TNFRSF1B: variants seen among roughly 807,000 people sequenced by gnomAD.
TNFRSF1B encodes tumor necrosis factor receptor superfamily member 1B.
In TNFRSF1B, 19 loss-of-function variants were observed where a neutral mutation model predicts 44.6. The observed-to-expected ratio is 0.43, with a 90% CI of 0.30 to 0.62. TNFRSF1B has a LOEUF of 0.62. Among genes scored for constraint, TNFRSF1B ranks in the 20% least tolerant of loss-of-function variants. The pLI is 0.16. For missense variants in TNFRSF1B, 541 were observed against 619.9 expected, an observed-to-expected ratio of 0.87 and a Z score of 1.35; for synonymous variants, 252 against 261.1, an observed-to-expected ratio of 0.97 and a Z score of 0.34.
intron 1 of TNFRSF1B, among the ~76,000 whole-genome samples, chr1:12,176,379 A>G (rs1003739841): frequency 6.6e-6 from 1 of 152,216 alleles, no homozygotes; most frequent in South Asian, 2.1e-4. Flanking sequence ...TACCAATTAC[A>G]TTGAGAAAAC....
At chr1:12,204,364 C>G (rs374409470) in intron 9 of TNFRSF1B, among the ~76,000 whole-genome samples, 1 of 152,142 alleles carries the variant, frequency 6.6e-6, no homozygotes, top group Non-Finnish European at 1.5e-5. Flanking sequence ...AATTTCCTTC[C>G]GGCCTTGTGA....
At chr1:12,183,446 T>TTCTC (rs33995912) in intron 1 of TNFRSF1B, among the ~76,000 whole-genome samples, 213 of 147,348 alleles carry the variant, frequency 1.4e-3, no homozygotes, top group African/African-American at 4.7e-3. Context: ...CTTTTATCTA[T>TTCTC]TCTCTCTCTC....
At chr1:12,197,333 A>G (rs235251) in intron 8 of TNFRSF1B, among the ~76,000 whole-genome samples, 4,319 of 152,244 alleles carry the variant, frequency 0.028, 201 homozygotes, top group African/African-American at 0.098. Context: ...TGTCTAGTGC[A>G]GAAAAAAACC....
rs376176302 is a variant in TNFRSF1B at position 12,183,720 on chromosome 1, C to CCTATCTAT, written c.79-5052_79-5045dup. On this transcript the variant is annotated intron_variant, in intron 1 of 9. Transcript: ENST00000376259. Reference sequence around the variant, plus strand: ...TCTATCTATCTATCTATTCTATCTACCTATCTATCTATCTATCTATCTATC... The same window carrying CCTATCTAT: ...TCTATCTATCTATCTATTCTATCTACCTATCTATCTATCTATCTATCTATCTATCTATC... Among the ~76,000 whole-genome samples, 723 of 92,118 alleles carry CCTATCTAT rather than the reference C, an allele frequency of 7.8e-3. 17 individuals carry two copies. Among genetic ancestry groups the CCTATCTAT allele is most frequent in the Middle Eastern group, 0.016 (2 of 124 alleles). 60.4% of individuals were successfully genotyped at this position (92,118 alleles called of 152,430 possible).
chr1:12,204,750 C>G (rs1450455939), intron 9 of TNFRSF1B, among the ~76,000 whole-genome samples: 1 of 152,050 alleles, frequency 6.6e-6, no homozygotes, highest in Non-Finnish European at 1.5e-5. Flanking sequence ...AATGTAAACG[C>G]CTGAATTTTA....
At chr1:12,183,750 TAGCTAGCTAG>T in intron 1 of TNFRSF1B, among the ~76,000 whole-genome samples, 1 of 107,104 alleles carries the variant, frequency 9.3e-6, no homozygotes, top group South Asian at 3.3e-4. Flanking sequence ...TCTATCTATC[TAGCTAGCTAG>T]CTAGCTAGCT....
chr1:12,188,716 C>T (rs1639041236), intron 1 of TNFRSF1B, 80 bp from the exon 2 acceptor site: 2 of 1,329,514 alleles, frequency 1.5e-6, no homozygotes, highest in African/African-American at 1.4e-5. Context: ...CAAACATTTG[C>T]AGGGCGGGGA....
chr1:12,183,703 T>TTCTATCTAC (rs1557628925), intron 1 of TNFRSF1B, among the ~76,000 whole-genome samples: 10 of 117,096 alleles, frequency 8.5e-5, no homozygotes, highest in African/African-American at 3.0e-4. Flanking sequence ...TATCTATCTA[T>TTCTATCTAC]CTATCTATTC....
intron 1 of TNFRSF1B, among the ~76,000 whole-genome samples, chr1:12,172,745 A>T (rs1638549293): frequency 6.6e-6 from 1 of 152,166 alleles, no homozygotes; most frequent in Admixed American, 6.5e-5. Context: ...TGGTCTTAGG[A>T]CACTGTATTG....
At position 12,192,044 on chromosome 1, in the gene TNFRSF1B, C is replaced by T. The variant is rs1019848979; in HGVS notation, c.457+121C>T. The T allele has an allele frequency of 1.4e-5, 19 of 1,326,124 alleles. No individual in the cohort carries two copies. The African/African-American group carries it at 1.5e-4, about 10-fold the overall frequency. The allele number at this position is 1,326,124 out of a possible 1,614,324, so 82.1% of individuals were successfully genotyped here. A position where few individuals can be genotyped will look rare whatever the true frequency, so the allele number is the denominator to read the frequency against. On this transcript the variant is annotated intron_variant, in intron 4 of 9. Transcript: ENST00000376259. ...AGCAGGGAGCACTGTTAGTGGTGGC[C>T]AGGTGCCTGCTACCCATCCGTCTGT... is the stretch of plus-strand genomic sequence containing the variant.
At chr1:12,181,573 G>A (rs1035138775) in intron 1 of TNFRSF1B, among the ~76,000 whole-genome samples, 27 of 152,228 alleles carry the variant, frequency 1.8e-4, no homozygotes, top group Middle Eastern at 6.8e-3. Context: ...AGCATGCCAC[G>A]CACCTCTCCA....
chr1:12,169,540 C>T lies in TNFRSF1B; in HGVS notation c.78+2371C>T, dbSNP rs145073688. Among the ~76,000 whole-genome samples the T allele has an allele frequency of 7.2e-5, 11 of 152,278 alleles. No homozygotes were observed. In the East Asian group the frequency reaches 1.4e-3, roughly 19 times the overall value. On this transcript the variant is annotated intron_variant, in intron 1 of 9. Coordinates refer to ENST00000376259, the MANE Select transcript of TNFRSF1B (RefSeq NM_001066.3). This position sits in a 1 kb window ranked among gnomAD's most constrained non-coding sequence, Gnocchi z 4.5. ...CCTTTCACTGCACCCTCCCCGTGCC[C>T]GTATCTGCACTCATGCTCCCAGCCA...
rs566360968 is a variant in TNFRSF1B, at chr1:12,190,999, T to A, written c.221T>A (p.Val74Glu). ...TTCTGTACCAAGACCTCGGACACCG[T>A]GTGTGACTCCTGTGAGGACAGCACA... is the stretch of plus-strand genomic sequence containing the variant. Reference protein sequence around the residue: ...KVFCTKTSDTVCDSCEDSTYT... With the variant: ...KVFCTKTSDTECDSCEDSTYT... Residue 74 changes from valine (V) to glutamate (E), a missense_variant, in exon 3 of 10, where the codon GTG (valine) becomes GAG (glutamate). Physicochemically the swap from Val to Glu is moderately radical, Grantham distance 121 (BLOSUM62 -2). Coordinates refer to ENST00000376259, the MANE Select transcript of TNFRSF1B (RefSeq NM_001066.3). 6.2e-7 allele frequency: 1 copy of A among 1,614,148 alleles called. No individual in the cohort carries two copies. Among genetic ancestry groups the A allele is most frequent in the East Asian group, 2.2e-5 (1 of 44,878 alleles).
In TNFRSF1B at chr1:12,191,465, A is replaced by AGGGAGGAGCGGGACTGTG. The variant is rs966235551; in HGVS notation, c.308-293_308-276dup. ...GCACTGCGGGGAGGAGCAGGACTGC[A>AGGGAGGAGCGGGACTGTG]GGGAGGAGCGGGACTGTGGGGAGGA... On this transcript the variant is annotated intron_variant, in intron 3 of 9. Coordinates refer to ENST00000376259, the MANE Select transcript of TNFRSF1B (RefSeq NM_001066.3). 3.5e-5 allele frequency among the ~76,000 whole-genome samples: 5 copies of AGGGAGGAGCGGGACTGTG among 142,384 alleles called. No individual in the cohort carries two copies. The East Asian group carries it at 6.3e-4, about 18-fold the overall frequency. The allele number at this position is 142,384 out of a possible 152,430, so 93.4% of individuals were successfully genotyped here.
rs1294542109 is a variant in TNFRSF1B at position 12,171,163 on chromosome 1, C to T, written c.78+3994C>T. On this transcript the variant is annotated intron_variant, in intron 1 of 9. Transcript: ENST00000376259. This position sits in a 1 kb window ranked among gnomAD's most constrained non-coding sequence, Gnocchi z 4.5. ...GATTACAGGTGTGTGCCACCATGCC[C>T]GGCTAATTTTTCCTTTTTTTTTTTT... Among the ~76,000 whole-genome samples, 28 of 151,226 alleles carry T rather than the reference C, an allele frequency of 1.9e-4. No homozygotes were observed. The East Asian group carries it at 2.9e-3, about 16-fold the overall frequency.
At position 12,183,720 on chromosome 1, in the gene TNFRSF1B, C is replaced by CTACCTATCTAT. The variant is rs1638889745; in HGVS notation, c.79-5076_79-5075insTACCTATCTAT. On this transcript the variant is annotated intron_variant, in intron 1 of 9. Coordinates refer to ENST00000376259, the MANE Select transcript of TNFRSF1B (RefSeq NM_001066.3). ...TCTATCTATCTATCTATTCTATCTA[C>CTACCTATCTAT]CTATCTATCTATCTATCTATCTATC... 6.4e-4 allele frequency among the ~76,000 whole-genome samples: 59 copies of CTACCTATCTAT among 92,190 alleles called. 1 individual carries two copies. Among genetic ancestry groups the CTACCTATCTAT allele is most frequent in the Middle Eastern group, 8.1e-3 (1 of 124 alleles). 60.5% of individuals were successfully genotyped at this position (92,190 alleles called of 152,430 possible).
chr1:12,181,684 G>A (rs1368224705), intron 1 of TNFRSF1B, among the ~76,000 whole-genome samples: 2 of 152,182 alleles, frequency 1.3e-5, no homozygotes, highest in Non-Finnish European at 2.9e-5. Flanking sequence ...CCTCTCAGAA[G>A]TCGCCTGCTC....
At chr1:12,200,028 C>T (rs1639352507) in intron 8 of TNFRSF1B, among the ~76,000 whole-genome samples, 1 of 152,094 alleles carries the variant, frequency 6.6e-6, no homozygotes, top group East Asian at 1.9e-4. Flanking sequence ...GAAATGGGGA[C>T]CTTGCCTTGA....
In TNFRSF1B at chr1:12,178,969, A is replaced by G. The variant is rs528853816; in HGVS notation, c.79-9827A>G. Among the ~76,000 whole-genome samples, 1 of 152,182 alleles carries G rather than the reference A, an allele frequency of 6.6e-6. No individual in the cohort carries two copies. Among genetic ancestry groups the G allele is most frequent in the Non-Finnish European group, 1.5e-5 (1 of 67,992 alleles). On this transcript the variant is annotated intron_variant, in intron 1 of 9. Coordinates refer to ENST00000376259, the MANE Select transcript of TNFRSF1B (RefSeq NM_001066.3). This position sits in a 1 kb window ranked among gnomAD's most constrained non-coding sequence, Gnocchi z 4.3. ...GCAGCTGGCAGGAGATGCTGAGGGCAGCGAGGAGGAGGGGTCGTGGGAGAT... is the reference window on the plus strand; with the variant it reads ...GCAGCTGGCAGGAGATGCTGAGGGCGGCGAGGAGGAGGGGTCGTGGGAGAT...
Sources: gnomAD v4.1 joint callset for allele counts (sites outside exome capture counted in the v4.1 genomes callset) on GRCh38, gnomAD v4.1.1 for gene constraint, Gnocchi (gnomAD v3.1) non-coding constraint, MANE v1.5 for transcripts, NCBI Gene and HGNC (gene_info 2026-07-23, HGNC 2026-07-21) for gene names.